The following QKI variants were observed in gnomAD, a reference collection of about 807,000 sequenced individuals.
The protein encoded by QKI is QKI, KH domain containing RNA binding, also known as KH domain-containing RNA-binding protein QKI.
In QKI, 10 loss-of-function variants were observed where a neutral mutation model predicts 39.0. That is an observed-to-expected ratio of 0.26 (90% CI 0.16 to 0.43). QKI has a LOEUF of 0.43. Among genes scored for constraint, QKI ranks in the 20% least tolerant of loss-of-function variants. QKI has a pLI of 1.00. For missense variants in QKI, 218 were observed against 428.0 expected (o/e 0.51, Z 4.33); for synonymous variants, 204 against 155.4 (o/e 1.31, Z -2.33).
At chr6:163,478,688 T>G in intron 2 of QKI, 92 bp from the exon 3 acceptor site, 2 of 803,506 alleles carry the variant, frequency 2.5e-6, no homozygotes, top group Admixed American at 5.5e-5. Flanking sequence ...ACATTTAACT[T>G]CAGTAAGTAA....
chr6:163,527,775 T>G (rs1027152130), intron 3 of QKI, among the ~76,000 whole-genome samples: 1 of 152,168 alleles, frequency 6.6e-6, no homozygotes, highest in African/African-American at 2.4e-5. Flanking sequence ...GGAAGTTGTT[T>G]TATTGAAAAG....
intron 6 of QKI, chr6:163,564,589 A>G (rs1387351739): frequency 3.1e-6 from 5 of 1,604,878 alleles, no homozygotes; most frequent in Non-Finnish European, 4.2e-6. Flanking sequence ...AATTAAAATC[A>G]TAATATAAAC....
chr6:163,480,941 C>T (rs1305860130), intron 3 of QKI, among the ~76,000 whole-genome samples: 2 of 152,168 alleles, frequency 1.3e-5, no homozygotes, highest in Non-Finnish European at 1.5e-5. Context: ...GTGAATTCTG[C>T]AGTAATGGCC....
chr6:163,506,498 T>C (rs186797456), intron 3 of QKI, among the ~76,000 whole-genome samples: 4 of 152,284 alleles, frequency 2.6e-5, no homozygotes, highest in Admixed American at 2.6e-4. Context: ...ATTTGTGATA[T>C]CTGGAAAATC....
Position 163,456,640 on chromosome 6 carries a change from C to T in QKI, c.285+1219C>T, listed in dbSNP as rs1158124807. On this transcript the variant is annotated intron_variant, in intron 2 of 7. Coordinates refer to ENST00000361752, the MANE Select transcript of QKI (RefSeq NM_006775.3). ...TACATTACAATTTGCAAAAATTGAT[C>T]TGATACTTTTTTTTAAAGGTTATAT... Among the ~76,000 whole-genome samples the T allele has an allele frequency of 4.6e-5, 7 of 151,608 alleles. No homozygotes were observed. The East Asian group carries it at 1.2e-3, about 25-fold the overall frequency.
intron 5 of QKI, among the ~76,000 whole-genome samples, chr6:163,562,458 C>A (rs866003584): frequency 6.6e-5 from 10 of 152,318 alleles, no homozygotes; most frequent in Middle Eastern, 6.8e-3. Context: ...GTGTATCTGA[C>A]TGAAATGACC....
chr6:163,478,735 C>A, intron 2 of QKI, 45 bp from the exon 3 acceptor site: 2 of 1,274,722 alleles, frequency 1.6e-6, no homozygotes, highest in South Asian at 2.7e-5. Flanking sequence ...GCTGTAAGTT[C>A]CAGCAAGTGA....
intron 4 of QKI, among the ~76,000 whole-genome samples, chr6:163,544,074 T>C (rs1229815265): frequency 1.3e-5 from 2 of 152,058 alleles, no homozygotes; most frequent in Admixed American, 1.3e-4. Flanking sequence ...GTTTATAAAC[T>C]GGATTATTCA....
intron 4 of QKI, among the ~76,000 whole-genome samples, chr6:163,552,333 C>T (rs945749540): frequency 2.0e-5 from 3 of 151,524 alleles, no homozygotes; most frequent in African/African-American, 7.3e-5. Context: ...CTCAGCCTCC[C>T]AAGTAGCTGG....
chr6:163,486,228 C>T (rs532006694), intron 3 of QKI, among the ~76,000 whole-genome samples: 2 of 152,226 alleles, frequency 1.3e-5, no homozygotes, highest in Non-Finnish European at 2.9e-5. Context: ...CCATCTCTCA[C>T]TGGATATTCA....
At chr6:163,507,714 T>C (rs1323102711) in intron 3 of QKI, among the ~76,000 whole-genome samples, 2 of 152,100 alleles carry the variant, frequency 1.3e-5, no homozygotes, top group African/African-American at 2.4e-5. Flanking sequence ...AATCAAGATA[T>C]TGCCTACTAC....
At chr6:163,502,699 A>G (rs928688081) in intron 3 of QKI, among the ~76,000 whole-genome samples, 1 of 152,162 alleles carries the variant, frequency 6.6e-6, no homozygotes, top group African/African-American at 2.4e-5. Flanking sequence ...ACAACTGTTT[A>G]TTTGGTGGTA....
chr6:163,543,057 C>T (rs1781643392), intron 4 of QKI, among the ~76,000 whole-genome samples: 2 of 151,978 alleles, frequency 1.3e-5, no homozygotes, highest in African/African-American at 2.4e-5. Context: ...GCATTTGACT[C>T]ATAATTAACT....
intron 4 of QKI, among the ~76,000 whole-genome samples, chr6:163,535,479 C>A (rs966572126): frequency 2.6e-5 from 4 of 151,728 alleles, no homozygotes; most frequent in African/African-American, 9.7e-5. Flanking sequence ...GTTTCTTAAC[C>A]CTTTAATATT....
intron 3 of QKI, among the ~76,000 whole-genome samples, chr6:163,520,092 G>C (rs993411981): frequency 6.6e-6 from 1 of 152,054 alleles, no homozygotes; most frequent in African/African-American, 2.4e-5. Context: ...TAGTTATATG[G>C]GTTGATAATA....
At chr6:163,538,542 A>T (rs2128242188) in intron 4 of QKI, among the ~76,000 whole-genome samples, 1 of 152,288 alleles carries the variant, frequency 6.6e-6, no homozygotes, top group South Asian at 2.1e-4. Flanking sequence ...GGCAGATCCA[A>T]GGCCTGTAGG....
At chr6:163,501,473 T>C (rs1778760140) in intron 3 of QKI, among the ~76,000 whole-genome samples, 1 of 152,210 alleles carries the variant, frequency 6.6e-6, no homozygotes, top group Non-Finnish European at 1.5e-5. Context: ...AAGTGAACTG[T>C]AGCTACTTGA....
At chr6:163,433,616 A>T (rs949144627) in intron 1 of QKI, among the ~76,000 whole-genome samples, 7 of 152,020 alleles carry the variant, frequency 4.6e-5, no homozygotes, top group Non-Finnish European at 8.8e-5. Context: ...AATATACAAA[A>T]ATTAGCCGGG....
At chr6:163,535,389 C>G (rs1781130474) in intron 4 of QKI, among the ~76,000 whole-genome samples, 1 of 151,972 alleles carries the variant, frequency 6.6e-6, no homozygotes, top group Non-Finnish European at 1.5e-5. Flanking sequence ...TATCAGTTCT[C>G]CTTCCTTCCC....
Sources: gnomAD v4.1 joint callset for allele counts (sites outside exome capture counted in the v4.1 genomes callset) on GRCh38, gnomAD v4.1.1 for gene constraint, MANE v1.5 for transcripts, NCBI Gene and HGNC (gene_info 2026-07-23, HGNC 2026-07-21) for gene names.